FRMD3: variants seen among roughly 807,000 people sequenced by gnomAD.
FRMD3 encodes the protein FERM domain containing 3, also known as FERM domain-containing protein 3.
A neutral mutation model predicts 70.2 loss-of-function variants in FRMD3; 33 were observed. That is an observed-to-expected ratio of 0.47 (90% CI 0.36 to 0.63). The LOEUF is 0.63. Among genes scored for constraint, FRMD3 ranks in the 20% least tolerant of loss-of-function variants. The pLI is 0.00. For synonymous variants in FRMD3, 279 were observed against 255.9 expected, an observed-to-expected ratio of 1.09 and a Z score of -0.86; for missense variants, 632 against 711.4, an observed-to-expected ratio of 0.89 and a Z score of 1.27.
Position 83,247,688 on chromosome 9 carries a change from T to G in FRMD3, c.*230A>C. ...TACACTATAATAAAAAATAAACATA[T>G]TTTTGGTTATTTAAAGACCATCTTC... is the stretch of plus-strand genomic sequence containing the variant. On this transcript the variant is annotated 3_prime_UTR_variant, in exon 14 of 14. Transcript: ENST00000304195. 2 of 1,291,970 alleles carry G rather than the reference T, an allele frequency of 1.5e-6. No homozygotes were observed. The highest frequency in any genetic ancestry group is 2.0e-6 in the Non-Finnish European group (2 of 1,001,666). The allele number at this position is 1,291,970 out of a possible 1,614,324, so 80.0% of individuals were successfully genotyped here. A position where few individuals can be genotyped will look rare whatever the true frequency, so the allele number is the denominator to read the frequency against.
At chr9:83,446,602 G>A (rs1052363988) in intron 1 of FRMD3, among the ~76,000 whole-genome samples, 12 of 143,954 alleles carry the variant, frequency 8.3e-5, no homozygotes, top group South Asian at 2.2e-4. Context: ...AGCCGAGATC[G>A]CGCCACTGCA....
intron 1 of FRMD3, among the ~76,000 whole-genome samples, chr9:83,393,304 C>T (rs1825719204): frequency 6.6e-6 from 1 of 152,114 alleles, no homozygotes; most frequent in Admixed American, 6.5e-5. Flanking sequence ...GTGTTAAAAT[C>T]TATAAGCCAA....
chr9:83,370,359 A>G (rs1429131642), intron 3 of FRMD3, among the ~76,000 whole-genome samples: 1 of 152,244 alleles, frequency 6.6e-6, no homozygotes, highest in Non-Finnish European at 1.5e-5. Context: ...ACTGAAAGAC[A>G]TCATCAACAA....
At chr9:83,326,106 A>G (rs1836005592) in intron 6 of FRMD3, among the ~76,000 whole-genome samples, 1 of 152,196 alleles carries the variant, frequency 6.6e-6, no homozygotes, top group Admixed American at 6.5e-5. Flanking sequence ...GGAACGTGAA[A>G]CCACAGGAAG....
At chr9:83,265,588 CAAAT>C (rs749252991) in intron 13 of FRMD3, among the ~76,000 whole-genome samples, 1 of 151,954 alleles carries the variant, frequency 6.6e-6, no homozygotes, top group South Asian at 2.1e-4. Context: ...ACTAAGTAAA[CAAAT>C]AGGCAGTTCT....
At chr9:83,575,710 G>A in the FRMD3 span, among the ~76,000 whole-genome samples, 1 of 152,124 alleles carries the variant, frequency 6.6e-6, no homozygotes, top group East Asian at 1.9e-4. Context: ...AGAAGAAATA[G>A]ACAAATCTGA....
intron 1 of FRMD3, among the ~76,000 whole-genome samples, chr9:83,455,512 T>C (rs79258777): frequency 1.3e-5 from 2 of 152,186 alleles, no homozygotes; most frequent in African/African-American, 4.8e-5. Context: ...GCCACTGCCA[T>C]GTAAGAAGTG....
intron 10 of FRMD3, among the ~76,000 whole-genome samples, chr9:83,306,612 T>A (rs915262933): frequency 3.9e-5 from 6 of 152,110 alleles, no homozygotes; most frequent in Non-Finnish European, 7.3e-5. Flanking sequence ...TTTTTTCATT[T>A]CCCCCTTGGT....
At position 83,325,048 on chromosome 9, in the gene FRMD3, A is replaced by T. The variant is rs143936510; in HGVS notation, c.596+10468T>A. Among the ~76,000 whole-genome samples the T allele has an allele frequency of 3.2e-3, 481 of 152,346 alleles. 2 individuals are homozygous for T. The highest frequency in any genetic ancestry group is 0.011 in the African/African-American group (467 of 41,582). On this transcript the variant is annotated intron_variant, in intron 6 of 13. Transcript: ENST00000304195. ...AGCAAGGCAGATGGAACTGGAGGCC[A>T]TTAATAACACAGAAACAAAGTCAAA... is the stretch of plus-strand genomic sequence containing the variant.
Position 83,245,401 on chromosome 9 carries a change from T to A in FRMD3, c.*2517A>T, listed in dbSNP as rs1384323797. 1.0e-6 allele frequency: 1 copy of A among 985,320 alleles called. No homozygotes were observed. Among genetic ancestry groups the A allele is most frequent in the Non-Finnish European group, 1.2e-6 (1 of 829,936 alleles). The allele number at this position is 985,320 out of a possible 1,614,324, so 61.0% of individuals were successfully genotyped here. The stretch of plus-strand genomic sequence containing the variant: ...CTGATTCTATGCCGAGCAAATGGCA[T>A]TTCAAGATTCCAGTTTAACTTTTGA... On this transcript the variant is annotated 3_prime_UTR_variant, in exon 14 of 14. Coordinates refer to ENST00000304195, the MANE Select transcript of FRMD3 (RefSeq NM_174938.6).
the FRMD3 span, among the ~76,000 whole-genome samples, chr9:83,547,863 G>A: frequency 6.6e-6 from 1 of 152,140 alleles, no homozygotes; most frequent in Admixed American, 6.5e-5. Flanking sequence ...AAGATCAAGT[G>A]TAAAAATCAA....
the FRMD3 span, among the ~76,000 whole-genome samples, chr9:83,585,253 G>A: frequency 6.6e-6 from 1 of 152,150 alleles, no homozygotes; most frequent in African/African-American, 2.4e-5. Flanking sequence ...CAGCCAGGAG[G>A]AACAAGGTGC....
intron 1 of FRMD3, among the ~76,000 whole-genome samples, chr9:83,522,602 C>T (rs1164792272): frequency 2.2e-5 from 3 of 138,494 alleles, no homozygotes; most frequent in Non-Finnish European, 3.1e-5. Flanking sequence ...CTTGTTCTGT[C>T]GCCTAGGCTG....
intron 13 of FRMD3, among the ~76,000 whole-genome samples, chr9:83,250,360 A>C (rs995097712): frequency 1.3e-5 from 2 of 152,118 alleles, no homozygotes; most frequent in Non-Finnish European, 2.9e-5. Flanking sequence ...AGCTGTGTGG[A>C]GTCTCGGCAG....
intron 13 of FRMD3, among the ~76,000 whole-genome samples, chr9:83,277,096 G>T (rs1833818599): frequency 6.6e-6 from 1 of 152,228 alleles, no homozygotes; most frequent in African/African-American, 2.4e-5. Flanking sequence ...GTGGAGGAAA[G>T]ATGGTAAGAA....
intron 6 of FRMD3, among the ~76,000 whole-genome samples, chr9:83,323,913 A>C (rs1835908947): frequency 6.6e-6 from 1 of 152,228 alleles, no homozygotes; most frequent in South Asian, 2.1e-4. Flanking sequence ...GTTAAAGTAC[A>C]AACTCTGGCA....
intron 1 of FRMD3, among the ~76,000 whole-genome samples, chr9:83,513,208 G>A (rs1036130409): frequency 2.0e-5 from 3 of 152,182 alleles, no homozygotes; most frequent in Admixed American, 6.5e-5. Flanking sequence ...CATTTCTCCA[G>A]GTCATTTGGC....
At chr9:83,344,917 G>A (rs1432076062) in intron 4 of FRMD3, among the ~76,000 whole-genome samples, 12 of 151,136 alleles carry the variant, frequency 7.9e-5, no homozygotes, top group Non-Finnish European at 1.5e-4. Flanking sequence ...TAGCGCCCAA[G>A]TAATTTAATC....
chr9:83,407,246 G>A (rs1009232133), intron 1 of FRMD3, among the ~76,000 whole-genome samples: 2 of 152,090 alleles, frequency 1.3e-5, no homozygotes, highest in African/African-American at 2.4e-5. Context: ...GTACTTTACA[G>A]GATAATTTGT....
Sources: gnomAD v4.1 joint callset for allele counts (sites outside exome capture counted in the v4.1 genomes callset) on GRCh38, gnomAD v4.1.1 for gene constraint, MANE v1.5 for transcripts, NCBI Gene and HGNC (gene_info 2026-07-23, HGNC 2026-07-21) for gene names.